The following WDR41 variants were observed in gnomAD, a reference collection of about 807,000 sequenced individuals.
WDR41 encodes the protein WD repeat domain 41.
In WDR41, 63 loss-of-function variants were observed where a neutral mutation model predicts 69.3. That is an observed-to-expected ratio of 0.91 (90% CI 0.74 to 1.12). The LOEUF (loss-of-function observed/expected upper bound fraction) is 1.12, where lower values mean the gene tolerates loss of function less well. Among genes scored for constraint, WDR41 ranks in the 50% most tolerant of loss-of-function variants. WDR41 has a pLI of 0.00. For missense variants in WDR41, 543 were observed against 534.5 expected (o/e 1.02, Z -0.16); for synonymous variants, 185 against 192.1 (o/e 0.96, Z 0.31).
At chr5:77,524,375 G>A (rs1581785380) in intron 1 of WDR41, among the ~76,000 whole-genome samples, 2 of 152,224 alleles carry the variant, frequency 1.3e-5, no homozygotes, top group East Asian at 3.9e-4. Flanking sequence ...ATAGCTTGAG[G>A]CCAGGAGTTC....
chr5:77,476,491 A>G (rs1397578090), intron 2 of WDR41, among the ~76,000 whole-genome samples: 1 of 152,184 alleles, frequency 6.6e-6, no homozygotes, highest in Non-Finnish European at 1.5e-5. Flanking sequence ...GAAACTCTAC[A>G]AGCCAGAAGA....
Position 77,507,063 on chromosome 5 carries a change from T to C in WDR41, c.43-17491A>G, listed in dbSNP as rs564756410. Among the ~76,000 whole-genome samples the C allele has an allele frequency of 2.6e-5, 4 of 152,184 alleles. No homozygotes were observed. In the East Asian group the frequency reaches 7.7e-4, roughly 29 times the overall value. ...TAAAAAAAGAAACATATTTTAGACTTTAGGATAACATTGAGTAAATTCTTG... is the reference window on the plus strand; with the variant it reads ...TAAAAAAAGAAACATATTTTAGACTCTAGGATAACATTGAGTAAATTCTTG... On this transcript the variant is annotated intron_variant, in intron 1 of 5. Transcript: ENST00000509971.
At chr5:77,502,558 C>T (rs1802036754) in intron 1 of WDR41, among the ~76,000 whole-genome samples, 1 of 152,118 alleles carries the variant, frequency 6.6e-6, no homozygotes, top group African/African-American at 2.4e-5. Context: ...AACCCCAAGA[C>T]ACATAATTAT....
chr5:77,567,053 C>T (rs1743645698), intron 1 of WDR41, among the ~76,000 whole-genome samples: 2 of 152,084 alleles, frequency 1.3e-5, no homozygotes, highest in Non-Finnish European at 2.9e-5. Context: ...TATTAAAATG[C>T]TAAAAACAAA....
intron 1 of WDR41, chr5:77,545,956 C>T: frequency 2.0e-6 from 1 of 488,706 alleles, no homozygotes; most frequent in Non-Finnish European, 3.6e-6. Context: ...CGCTGTGGCT[C>T]CGTGCTGGTG....
chr5:77,437,856 TTAG>T (rs1300505075), intron 10 of WDR41, among the ~76,000 whole-genome samples: 2 of 152,118 alleles, frequency 1.3e-5, no homozygotes, highest in South Asian at 2.1e-4. Flanking sequence ...AACCACTCAC[TTAG>T]TAGCCTCACA....
intron 1 of WDR41, among the ~76,000 whole-genome samples, chr5:77,524,371 T>G (rs1052902204): frequency 2.0e-5 from 3 of 152,138 alleles, no homozygotes; most frequent in Non-Finnish European, 4.4e-5. Flanking sequence ...CAGGATAGCT[T>G]GAGGCCAGGA....
chr5:77,490,273 C>T (rs1463267000), intron 1 of WDR41, among the ~76,000 whole-genome samples: 1 of 152,122 alleles, frequency 6.6e-6, no homozygotes, highest in African/African-American at 2.4e-5. Flanking sequence ...CCAGATAATT[C>T]TTTGTTGTTG....
chr5:77,609,596 C>T lies in WDR41; in HGVS notation c.42+10883G>A, dbSNP rs185502702. Among the ~76,000 whole-genome samples the T allele has an allele frequency of 6.6e-4, 100 of 152,344 alleles. 1 individual carries two copies. Among genetic ancestry groups the T allele is most frequent in the Admixed American group, 4.3e-3 (66 of 15,300 alleles). On this transcript the variant is annotated intron_variant, in intron 1 of 5. Coordinates refer to the WDR41 transcript ENST00000509971. ...CTCCAACAGACCTACAGCTGACAGTCCTGTCTGTTAGAAGGAAAACTAACA... is the reference window on the plus strand; with the variant it reads ...CTCCAACAGACCTACAGCTGACAGTTCTGTCTGTTAGAAGGAAAACTAACA...
intron 1 of WDR41, among the ~76,000 whole-genome samples, chr5:77,557,613 A>C (rs1038650913): frequency 2.0e-5 from 3 of 152,210 alleles, no homozygotes; most frequent in Admixed American, 2.0e-4. Context: ...GGCAGTAGGA[A>C]TCAGTATAGT....
At chr5:77,580,973 T>C (rs1006176659) in intron 1 of WDR41, among the ~76,000 whole-genome samples, 3 of 150,730 alleles carry the variant, frequency 2.0e-5, no homozygotes, top group Non-Finnish European at 4.4e-5. Context: ...AATAAATAAA[T>C]AATAAAATAA....
upstream of WDR41, chr5:77,492,384 G>A (rs1323990406): frequency 1.1e-6 from 1 of 891,946 alleles, no homozygotes; most frequent in Non-Finnish European, 1.6e-6. Context: ...AGTTGAGGGA[G>A]AATTTTTGTC....
At chr5:77,598,939 C>T (rs1230210008) in intron 1 of WDR41, among the ~76,000 whole-genome samples, 1 of 152,016 alleles carries the variant, frequency 6.6e-6, no homozygotes, top group Non-Finnish European at 1.5e-5. Context: ...TTAGATCAGG[C>T]ATTCCTGACA....
chr5:77,515,460 A>T (rs1802278690), intron 1 of WDR41, among the ~76,000 whole-genome samples: 1 of 152,232 alleles, frequency 6.6e-6, no homozygotes, highest in Non-Finnish European at 1.5e-5. Flanking sequence ...CTCCTGAAGG[A>T]TCAGCCTGAG....
At chr5:77,563,760 A>G (rs1743566362) in intron 1 of WDR41, among the ~76,000 whole-genome samples, 1 of 152,214 alleles carries the variant, frequency 6.6e-6, no homozygotes, top group Admixed American at 6.5e-5. Context: ...CATTATTTTT[A>G]TATTAAAATA....
At chr5:77,508,435 T>C (rs78586367) in intron 1 of WDR41, among the ~76,000 whole-genome samples, 1 of 152,336 alleles carries the variant, frequency 6.6e-6, no homozygotes, top group African/African-American at 2.4e-5. Flanking sequence ...ACGTCTGTGT[T>C]TTTGTTGGTA....
chr5:77,556,678 T>C (rs965641919), intron 1 of WDR41, among the ~76,000 whole-genome samples: 2 of 152,178 alleles, frequency 1.3e-5, no homozygotes, highest in African/African-American at 4.8e-5. Context: ...GGTTGCCCCA[T>C]GAAAGGTGAG....
At chr5:77,471,860 C>T (rs1033514147) in intron 2 of WDR41, among the ~76,000 whole-genome samples, 3 of 152,178 alleles carry the variant, frequency 2.0e-5, no homozygotes, top group Non-Finnish European at 4.4e-5. Flanking sequence ...CAAGGAGAAG[C>T]TGGTACCATT....
chr5:77,559,011 A>G (rs1743466513), intron 1 of WDR41, among the ~76,000 whole-genome samples: 1 of 152,206 alleles, frequency 6.6e-6, no homozygotes, highest in Non-Finnish European at 1.5e-5. Flanking sequence ...CACTTCTTGT[A>G]AAAGGGTCTA....
Sources: allele counts gnomAD v4.1 joint callset (sites outside exome capture counted in the v4.1 genomes callset), GRCh38; gene constraint gnomAD v4.1.1; transcripts MANE v1.5; gene names NCBI Gene and HGNC (gene_info 2026-07-23, HGNC 2026-07-21).